Variants in LRRC41 observed in about 807,000 individuals in gnomAD.
LRRC41 encodes leucine-rich repeat-containing protein 41.
Under a neutral mutation model 72.1 loss-of-function variants are expected in LRRC41, and 17 were observed. The observed-to-expected ratio is 0.24, with a 90% CI of 0.16 to 0.35. The LOEUF is 0.35. LRRC41 is among the 10% of genes least tolerant of loss of function. The probability of loss-of-function intolerance (pLI) is 1.00; values close to 1 mark genes in which losing one functional copy is unlikely to be tolerated. For synonymous variants in LRRC41, 427 were observed against 431.0 expected, an observed-to-expected ratio of 0.99 and a Z score of 0.11; for missense variants, 759 against 1,065.0, an observed-to-expected ratio of 0.71 and a Z score of 4.00.
chr1:46,282,713 A>T (rs1484826112), intron 4 of LRRC41, among the ~76,000 whole-genome samples: 3 of 152,126 alleles, frequency 2.0e-5, no homozygotes, highest in Admixed American at 6.6e-5. Context: ...CTGGTGTGAG[A>T]GTGTGAAGGG....
chr1:46,283,256 G>A (rs989083180), intron 4 of LRRC41, among the ~76,000 whole-genome samples: 2 of 152,166 alleles, frequency 1.3e-5, no homozygotes, highest in African/African-American at 2.4e-5. Context: ...ACTGAAATTA[G>A]TTCAGGTAGT....
rs567812950 is a variant in LRRC41 at position 46,302,478 on chromosome 1, C to G, written c.199+646G>C. On this transcript the variant is annotated intron_variant, in intron 1 of 9. Coordinates refer to ENST00000617190, the MANE Select transcript of LRRC41 (RefSeq NM_006369.5). The surrounding 1 kb of genome is among the most constrained non-coding windows in gnomAD (Gnocchi z 4.7). ...GTTTGGCACCCGAGACCCCGGTTGT[C>G]GGTTCGCTCCCGTCAGCCCTGGGCC... 3.0e-6 allele frequency: 3 copies of G among 985,284 alleles called. No individual in the cohort carries two copies. The African/African-American group carries it at 5.2e-5, about 17-fold the overall frequency. 61.0% of individuals were successfully genotyped at this position (985,284 alleles called of 1,614,324 possible).
intron 4 of LRRC41, chr1:46,284,027 G>A (rs926264616): frequency 1.3e-5 from 2 of 152,252 alleles, no homozygotes; most frequent in East Asian, 3.9e-4. Context: ...CTGCCAAGAA[G>A]AGTTACTGAA....
At chr1:46,281,817 G>A (rs532682027) in intron 4 of LRRC41, among the ~76,000 whole-genome samples, 3 of 152,282 alleles carry the variant, frequency 2.0e-5, no homozygotes, top group East Asian at 3.9e-4. Context: ...GGTGGCTCAC[G>A]CCTGTAATCC....
chr1:46,294,043 G>A (rs969916556), intron 3 of LRRC41, among the ~76,000 whole-genome samples: 11 of 152,064 alleles, frequency 7.2e-5, no homozygotes, highest in Non-Finnish European at 1.3e-4. Context: ...TTACAGGTGT[G>A]AGCCACCACA....
chr1:46,289,349 T>C (rs930348483), intron 3 of LRRC41, among the ~76,000 whole-genome samples: 8 of 152,354 alleles, frequency 5.3e-5, no homozygotes, highest in African/African-American at 1.9e-4. Flanking sequence ...TATACTGACA[T>C]CACAGCATTT....
Position 46,303,222 on chromosome 1 carries a change from T to C in LRRC41, c.101A>G (p.Lys34Arg). ...AGCGTTGGGGCCCGAGGCCGAGCTC[T>C]TCGCTGGCGCCGCCTCCCGGGACGT... ...EATSREAAPA[K>R]SSASGPNAPP... is the part of the protein sequence containing the mutation. Residue 34 changes from lysine to arginine, a missense_variant, in exon 1 of 10, where the codon AAG (lysine) becomes AGG (arginine). Transcript: ENST00000617190. 6.4e-7 allele frequency: 1 copy of C among 1,562,822 alleles called. No individual in the cohort carries two copies. Among genetic ancestry groups the C allele is most frequent in the Non-Finnish European group, 8.6e-7 (1 of 1,157,120 alleles).
intron 3 of LRRC41, among the ~76,000 whole-genome samples, chr1:46,287,174 T>C (rs977020078): frequency 4.0e-5 from 6 of 151,868 alleles, no homozygotes; most frequent in African/African-American, 1.5e-4. Context: ...AGTGGCGTGA[T>C]CTCGGCACAC....
intron 4 of LRRC41, among the ~76,000 whole-genome samples, chr1:46,284,004 ACAG>A (rs1453254770): frequency 2.6e-5 from 4 of 152,156 alleles, no homozygotes; most frequent in African/African-American, 9.7e-5. Context: ...AATTTAATGA[ACAG>A]CAGTAAATCC....
chr1:46,288,086 C>T (rs1660922955), intron 3 of LRRC41, among the ~76,000 whole-genome samples: 1 of 152,178 alleles, frequency 6.6e-6, no homozygotes, highest in African/African-American at 2.4e-5. Context: ...ATTCATATAC[C>T]AGACACCCAG....
rs569659010 is a variant in LRRC41 at position 46,302,626 on chromosome 1, G to A, written c.199+498C>T. On this transcript the variant is annotated intron_variant, in intron 1 of 9. Coordinates refer to ENST00000617190, the MANE Select transcript of LRRC41 (RefSeq NM_006369.5). This position sits in a 1 kb window ranked among gnomAD's most constrained non-coding sequence, Gnocchi z 4.7. The stretch of plus-strand genomic sequence containing the variant: ...CTTGGCCTCCGGAATCTCGACCCCC[G>A]TGGCGTGTCAGGCAGATGCTGGAGC... The A allele has an allele frequency of 1.0e-6, 1 of 985,268 alleles. No individual in the cohort carries two copies. The highest frequency in any genetic ancestry group is 4.7e-5 in the South Asian group (1 of 21,286). The allele number at this position is 985,268 out of a possible 1,614,324, so 61.0% of individuals were successfully genotyped here.
intron 4 of LRRC41, chr1:46,284,061 A>G (rs2148315094): frequency 6.6e-6 from 1 of 152,352 alleles, no homozygotes; most frequent in East Asian, 1.9e-4. Context: ...ATCTAGTAAC[A>G]AGGAGGACCC....
intron 2 of LRRC41, 50 bp downstream of exon 2, chr1:46,298,234 G>T: frequency 7.6e-7 from 1 of 1,307,960 alleles, no homozygotes; most frequent in Non-Finnish European, 1.1e-6. Context: ...AGAACATTAT[G>T]GTGCCTTGCT....
chr1:46,284,167 T>C lies in LRRC41; in HGVS notation c.1495+1195A>G, dbSNP rs570620139. On this transcript the variant is annotated intron_variant, in intron 4 of 9. Coordinates refer to ENST00000617190, the MANE Select transcript of LRRC41 (RefSeq NM_006369.5). ...GTGGAAACAGTACAGATAACTAAGGTTGTGAAGAACAGGAGATAACAGTTT... is the reference window on the plus strand; with the variant it reads ...GTGGAAACAGTACAGATAACTAAGGCTGTGAAGAACAGGAGATAACAGTTT... 5.9e-5 allele frequency: 9 copies of C among 152,216 alleles called. No homozygotes were observed. In the East Asian group the frequency reaches 1.2e-3, roughly 20 times the overall value. The allele number at this position is 152,216 out of a possible 1,614,324, so 9.4% of individuals were successfully genotyped here. A position where few individuals can be genotyped will look rare whatever the true frequency, so the allele number is the denominator to read the frequency against.
rs557541245 is a variant in LRRC41 at position 46,301,909 on chromosome 1, G to A, written c.199+1215C>T. 4.6e-5 allele frequency: 45 copies of A among 969,070 alleles called. 1 individual carries two copies. The East Asian group carries it at 3.9e-3, about 84-fold the overall frequency. 60.0% of individuals were successfully genotyped at this position (969,070 alleles called of 1,614,324 possible). The stretch of plus-strand genomic sequence containing the variant: ...CCGGCCTCCCGACCCCACCCTCACA[G>A]AGCCAGCAGCCTCTCAGGCCCGAGG... On this transcript the variant is annotated intron_variant, in intron 1 of 9. Transcript: ENST00000617190.
At chr1:46,294,005 C>T (rs2148323175) in intron 3 of LRRC41, among the ~76,000 whole-genome samples, 1 of 152,262 alleles carries the variant, frequency 6.6e-6, no homozygotes, top group South Asian at 2.1e-4. Flanking sequence ...CAAGTATCTG[C>T]CCACCTCAGC....
chr1:46,303,431 T>C lies in LRRC41; in HGVS notation c.-109A>G. On this transcript the variant is annotated 5_prime_UTR_variant, in exon 1 of 10. Transcript: ENST00000617190. ...ATATGGGGAAGAATGTGAATTATTC[T>C]AAAGAAATTTCGAAGAAATTAGCAC... The C allele has an allele frequency of 9.0e-7, 1 of 1,106,306 alleles. No individual in the cohort carries two copies. Among genetic ancestry groups the C allele is most frequent in the East Asian group, 2.7e-5 (1 of 37,052 alleles). The allele number at this position is 1,106,306 out of a possible 1,614,324, so 68.5% of individuals were successfully genotyped here.
chr1:46,301,760 G>C (rs1186678089), intron 1 of LRRC41, among the ~76,000 whole-genome samples: 2 of 151,874 alleles, frequency 1.3e-5, no homozygotes, highest in Non-Finnish European at 2.9e-5. Flanking sequence ...AAGACGCCAC[G>C]GCCACCCGCA....
chr1:46,298,578 C>CA (rs1661169294), intron 1 of LRRC41: 1 of 465,798 alleles, frequency 2.1e-6, no homozygotes, highest in Non-Finnish European at 3.8e-6. Context: ...ATTTCAGGGG[C>CA]AAGGGTGAGA....
Sources: gnomAD v4.1 joint callset for allele counts (sites outside exome capture counted in the v4.1 genomes callset) on GRCh38, gnomAD v4.1.1 for gene constraint, Gnocchi (gnomAD v3.1) non-coding constraint, MANE v1.5 for transcripts, NCBI Gene and HGNC (gene_info 2026-07-23, HGNC 2026-07-21) for gene names.